Variants in RFX7 observed in about 807,000 individuals in gnomAD.
RFX7 encodes the protein regulatory factor X7.
Under a neutral mutation model 111.8 loss-of-function variants are expected in RFX7, and 26 were observed. The observed-to-expected ratio is 0.23, with a 90% confidence interval of 0.17 to 0.32. The LOEUF (loss-of-function observed/expected upper bound fraction) is 0.32, where lower values mean the gene tolerates loss of function less well. RFX7 is among the 10% of genes least tolerant of loss of function. The probability of loss-of-function intolerance (pLI) is 1.00; values close to 1 mark genes in which losing one functional copy is unlikely to be tolerated. For synonymous variants in RFX7, 624 were observed against 624.4 expected (o/e 1.00, Z 0.01); for missense variants, 1,573 against 1,772.9 (o/e 0.89, Z 2.02).
At chr15:56,208,231 A>G (rs1488354294) in intron 2 of RFX7, among the ~76,000 whole-genome samples, 1 of 152,200 alleles carries the variant, frequency 6.6e-6, no homozygotes, top group Non-Finnish European at 1.5e-5. Context: ...AATTAAATCA[A>G]CCAGAGCCTA....
chr15:56,112,924 G>C (rs909210991), intron 5 of RFX7, among the ~76,000 whole-genome samples: 2 of 152,186 alleles, frequency 1.3e-5, no homozygotes, highest in Admixed American at 6.5e-5. Context: ...CTGATCATTA[G>C]AGAAATGCAA....
intron 2 of RFX7, among the ~76,000 whole-genome samples, chr15:56,198,174 C>T (rs2043162418): frequency 1.3e-5 from 2 of 152,084 alleles, no homozygotes; most frequent in Admixed American, 1.3e-4. Flanking sequence ...TTGGTTTCTA[C>T]ATTCTTAACT....
intron 2 of RFX7, among the ~76,000 whole-genome samples, chr15:56,241,376 T>G (rs1316500824): frequency 6.6e-6 from 1 of 152,198 alleles, no homozygotes; most frequent in African/African-American, 2.4e-5. Flanking sequence ...AACTCACTTA[T>G]TTTAAAACTA....
chr15:56,242,498 TA>T (rs199726084), intron 2 of RFX7, among the ~76,000 whole-genome samples: 11 of 151,630 alleles, frequency 7.3e-5, no homozygotes, highest in Admixed American at 2.6e-4. Context: ...TATTTTAATT[TA>T]AAAAAAAACC....
intron 5 of RFX7, among the ~76,000 whole-genome samples, chr15:56,127,655 C>T (rs2042161816): frequency 6.6e-6 from 1 of 150,732 alleles, no homozygotes; most frequent in African/African-American, 2.4e-5. Flanking sequence ...TCATGCCATT[C>T]TCCTGCCTCA....
chr15:56,152,203 C>G (rs1031713902), intron 3 of RFX7, among the ~76,000 whole-genome samples: 1 of 152,132 alleles, frequency 6.6e-6, no homozygotes, highest in Non-Finnish European at 1.5e-5. Flanking sequence ...CCAAGTGGAC[C>G]TAATAGACAT....
intron 2 of RFX7, 127 bp downstream of exon 2, chr15:56,242,998 T>G (rs2043722679): frequency 4.3e-6 from 3 of 695,436 alleles, no homozygotes; most frequent in Non-Finnish European, 4.4e-6. Context: ...TGCACCCGAC[T>G]GGGGAAAGCC....
chr15:56,233,239 G>A (rs143718019), intron 2 of RFX7, among the ~76,000 whole-genome samples: 1 of 152,348 alleles, frequency 6.6e-6, no homozygotes, highest in East Asian at 1.9e-4. Flanking sequence ...ATGGTGGCAA[G>A]TGAAAGGCAC....
At chr15:56,235,426 G>A (rs777062896) in intron 2 of RFX7, among the ~76,000 whole-genome samples, 8 of 152,010 alleles carry the variant, frequency 5.3e-5, no homozygotes, top group Middle Eastern at 3.4e-3. Context: ...CGCCCACCTC[G>A]GCCTCCCAAA....
intron 2 of RFX7, among the ~76,000 whole-genome samples, chr15:56,186,920 AAG>A (rs2043045728): frequency 6.6e-6 from 1 of 152,174 alleles, no homozygotes; most frequent in Non-Finnish European, 1.5e-5. Context: ...ATGTTCTACT[AAG>A]AGTCTTCAAA....
chr15:56,224,788 A>C (rs1345204942), intron 2 of RFX7, among the ~76,000 whole-genome samples: 1 of 152,042 alleles, frequency 6.6e-6, no homozygotes, highest in East Asian at 1.9e-4. Flanking sequence ...TTCTATCAGA[A>C]GTTCATTTCT....
In RFX7 at chr15:56,173,519, G is replaced by A. The variant is rs542880375; in HGVS notation, c.195+5751C>T. Among the ~76,000 whole-genome samples the A allele has an allele frequency of 5.3e-5, 8 of 152,342 alleles. No individual in the cohort carries two copies. In the East Asian group the frequency reaches 1.2e-3, roughly 22 times the overall value. On this transcript the variant is annotated intron_variant, in intron 3 of 9. Coordinates refer to ENST00000559447, the MANE Select transcript of RFX7 (RefSeq NM_022841.7). ...CCACAGGCCGGACACAGTGGCTTAC[G>A]CCTGTAATCCCAACAGTTTGGGAAG...
intron 5 of RFX7, among the ~76,000 whole-genome samples, chr15:56,136,058 C>T (rs1479578259): frequency 4.6e-5 from 7 of 152,084 alleles, no homozygotes; most frequent in Non-Finnish European, 1.0e-4. Flanking sequence ...GTGATGCCTC[C>T]AGCTTTGTTC....
chr15:56,240,106 CTT>C (rs71441432), intron 2 of RFX7, among the ~76,000 whole-genome samples: 5,520 of 137,980 alleles, frequency 0.04, 139 homozygotes, highest in Middle Eastern at 0.079. Context: ...TACTAGTTTT[CTT>C]TTTTTTTTTT....
intron 2 of RFX7, among the ~76,000 whole-genome samples, chr15:56,210,949 G>A (rs1484356834): frequency 1.3e-5 from 2 of 151,944 alleles, no homozygotes; most frequent in Non-Finnish European, 2.9e-5. Context: ...TCAAAGACGG[G>A]ACATCACTAC....
chr15:56,161,197 C>T (rs1439845821), intron 3 of RFX7, among the ~76,000 whole-genome samples: 1 of 152,068 alleles, frequency 6.6e-6, no homozygotes, highest in African/African-American at 2.4e-5. Context: ...AAACCTGTTT[C>T]TCACAATGCT....
At chr15:56,151,716 C>T (rs1171638747) in intron 3 of RFX7, among the ~76,000 whole-genome samples, 9 of 152,228 alleles carry the variant, frequency 5.9e-5, no homozygotes, top group African/African-American at 2.2e-4. Context: ...ACAATATTAA[C>T]CTTAAATGTA....
Position 56,142,989 on chromosome 15 carries a change from T to C in RFX7, c.279-89A>G. On this transcript the variant is annotated intron_variant, in intron 4 of 9. Transcript: ENST00000559447. ...GCCTAAATGTTCCACTAAAGAACTG[T>C]ATACAAATACACTATCAACGACCAA... 8.5e-6 allele frequency: 12 copies of C among 1,418,000 alleles called. No individual in the cohort carries two copies. The South Asian group carries it at 1.5e-4, about 18-fold the overall frequency. The allele number at this position is 1,418,000 out of a possible 1,614,324, so 87.8% of individuals were successfully genotyped here.
chr15:56,160,521 A>G (rs1322881021), intron 3 of RFX7, among the ~76,000 whole-genome samples: 2 of 152,070 alleles, frequency 1.3e-5, no homozygotes, highest in Non-Finnish European at 2.9e-5. Flanking sequence ...TTAAGCTTCA[A>G]AAACAAAACT....
Sources: allele counts gnomAD v4.1 joint callset (sites outside exome capture counted in the v4.1 genomes callset), GRCh38; gene constraint gnomAD v4.1.1; transcripts MANE v1.5; gene names NCBI Gene and HGNC (gene_info 2026-07-23, HGNC 2026-07-21).